CD9: variants seen among roughly 807,000 people sequenced by gnomAD.
The protein encoded by CD9 is CD9 antigen.
In CD9, 10 loss-of-function variants were observed where a neutral mutation model predicts 31.4. That is an observed-to-expected ratio of 0.32 (90% CI 0.20 to 0.54). CD9 has a LOEUF of 0.54. CD9 is among the 20% of genes least tolerant of loss of function. The probability of loss-of-function intolerance (pLI) is 0.94; values close to 1 mark genes in which losing one functional copy is unlikely to be tolerated. For missense variants in CD9, 259 were observed against 300.1 expected (o/e 0.86, Z 1.01); for synonymous variants, 113 against 114.1 (o/e 0.99, Z 0.06).
chr12:6,206,377 T>C (rs1160083320), intron 1 of CD9, among the ~76,000 whole-genome samples: 1 of 152,042 alleles, frequency 6.6e-6, no homozygotes, highest in Non-Finnish European at 1.5e-5. Context: ...CATGTGCCAC[T>C]ACACCCAGCT....
At chr12:6,217,452 G>A (rs1344739968) in intron 1 of CD9, among the ~76,000 whole-genome samples, 1 of 152,150 alleles carries the variant, frequency 6.6e-6, no homozygotes, top group African/African-American at 2.4e-5. Flanking sequence ...GATCGCTTGA[G>A]CCCGGGAAGC....
chr12:6,230,805 G>C (rs931523815), intron 2 of CD9, among the ~76,000 whole-genome samples: 1 of 152,264 alleles, frequency 6.6e-6, no homozygotes, highest in Non-Finnish European at 1.5e-5. Context: ...CCCTTGCCCA[G>C]TGTGGGCCAG....
Position 6,225,412 on chromosome 12 carries a change from T to C in CD9, c.67-14T>C, listed in dbSNP as rs764479156. 4 of 1,569,938 alleles carry C rather than the reference T, an allele frequency of 2.5e-6. No individual in the cohort carries two copies. Among genetic ancestry groups the C allele is most frequent in the Middle Eastern group, 1.7e-4 (1 of 5,978 alleles). ...GCAGCCAGAATTAATGCTGATGTCC[T>C]GTATGTCTTGCAGCTTGCCGGGATT... is the stretch of plus-strand genomic sequence containing the variant. On this transcript the variant is annotated splice_polypyrimidine_tract_variant and intron_variant, in intron 1 of 7. Coordinates refer to ENST00000009180, the MANE Select transcript of CD9 (RefSeq NM_001769.4).
chr12:6,201,037 G>A (rs1305928838), intron 1 of CD9: 1 of 153,456 alleles, frequency 6.5e-6, no homozygotes, highest in African/African-American at 2.4e-5. Context: ...AGGAAGGGAG[G>A]GTGCGGGCAC....
intron 7 of CD9, among the ~76,000 whole-genome samples, chr12:6,237,050 C>T (rs923098964): frequency 5.3e-5 from 8 of 152,142 alleles, no homozygotes; most frequent in African/African-American, 1.9e-4. Context: ...GTGATCTCGA[C>T]TCACTGCAAC....
At chr12:6,215,749 A>G (rs1454201167) in intron 1 of CD9, among the ~76,000 whole-genome samples, 1 of 152,192 alleles carries the variant, frequency 6.6e-6, no homozygotes, top group Non-Finnish European at 1.5e-5. Context: ...GGGCTTTTCA[A>G]CTTGGCTGTA....
intron 1 of CD9, among the ~76,000 whole-genome samples, chr12:6,223,182 G>A (rs919334706): frequency 1.3e-5 from 2 of 152,006 alleles, no homozygotes; most frequent in African/African-American, 4.8e-5. Flanking sequence ...GAGGCCAGCA[G>A]CTTCAGTCTT....
At chr12:6,216,659 A>C (rs1946245516) in intron 1 of CD9, among the ~76,000 whole-genome samples, 1 of 152,152 alleles carries the variant, frequency 6.6e-6, no homozygotes, top group Non-Finnish European at 1.5e-5. Context: ...ATCCAGTCTT[A>C]GTGGAGCTCT....
intron 2 of CD9, among the ~76,000 whole-genome samples, chr12:6,229,516 C>CGGGA (rs1233130307): frequency 1.3e-5 from 2 of 152,190 alleles, no homozygotes; most frequent in African/African-American, 4.8e-5. Context: ...CCCGTGAACT[C>CGGGA]GGGAGGGCGG....
At chr12:6,226,959 G>T (rs1177758316) in intron 2 of CD9, among the ~76,000 whole-genome samples, 1 of 152,138 alleles carries the variant, frequency 6.6e-6, no homozygotes. Context: ...CAGGTCTGCC[G>T]GCAGGAGCAG....
At chr12:6,209,964 C>T (rs571860222) in intron 1 of CD9, among the ~76,000 whole-genome samples, 19 of 152,278 alleles carry the variant, frequency 1.2e-4, no homozygotes, top group South Asian at 8.3e-4. Context: ...GGATTACAGG[C>T]GTGAGTCACC....
chr12:6,201,306 CAG>C (rs1946074248), intron 1 of CD9, among the ~76,000 whole-genome samples: 1 of 152,060 alleles, frequency 6.6e-6, no homozygotes, highest in African/African-American at 2.4e-5. Flanking sequence ...GGAGAGAACT[CAG>C]AGTTCGGGAG....
chr12:6,210,548 T>C (rs1946183788), intron 1 of CD9, among the ~76,000 whole-genome samples: 2 of 152,210 alleles, frequency 1.3e-5, no homozygotes, highest in Admixed American at 6.5e-5. Flanking sequence ...GCCATGCAGC[T>C]GCCCTGCTGT....
intron 1 of CD9, among the ~76,000 whole-genome samples, chr12:6,212,935 G>GT (rs1172545677): frequency 3.3e-5 from 5 of 152,176 alleles, no homozygotes; most frequent in Non-Finnish European, 7.3e-5. Context: ...CATTGCTGGG[G>GT]TTGGGGGGAG....
intron 1 of CD9, among the ~76,000 whole-genome samples, chr12:6,220,587 T>C (rs923559731): frequency 3.9e-5 from 6 of 152,190 alleles, no homozygotes; most frequent in Non-Finnish European, 8.8e-5. Context: ...GACCTGTCTG[T>C]GTCTTCGCAA....
intron 1 of CD9, among the ~76,000 whole-genome samples, chr12:6,221,039 C>T (rs776980997): frequency 1.3e-5 from 2 of 152,194 alleles, no homozygotes; most frequent in Non-Finnish European, 2.9e-5. Context: ...ATGACCTTGA[C>T]AGTTTGGAGA....
chr12:6,223,426 G>T (rs1404634198), intron 1 of CD9, among the ~76,000 whole-genome samples: 1 of 152,018 alleles, frequency 6.6e-6, no homozygotes, highest in Non-Finnish European at 1.5e-5. Flanking sequence ...CACGCCTGGA[G>T]AATTTTTTGT....
chr12:6,233,098 C>CTT, intron 3 of CD9: 1 of 701,104 alleles, frequency 1.4e-6, no homozygotes, highest in African/African-American at 1.8e-5. Context: ...GCCCAAATCT[C>CTT]TTGTCTTTTG....
intron 4 of CD9, among the ~76,000 whole-genome samples, chr12:6,234,988 T>C (rs978342066): frequency 4.6e-5 from 7 of 152,072 alleles, no homozygotes; most frequent in Non-Finnish European, 8.8e-5. Context: ...CTGACCAAAG[T>C]GTAAGGGACA....
Sources: allele counts gnomAD v4.1 joint callset (sites outside exome capture counted in the v4.1 genomes callset), GRCh38; gene constraint gnomAD v4.1.1; transcripts MANE v1.5; gene names NCBI Gene and HGNC (gene_info 2026-07-23, HGNC 2026-07-21).